The following ASIC2 variants were observed in gnomAD, a reference collection of about 807,000 sequenced individuals.
The protein encoded by ASIC2 is acid-sensing ion channel 2.
A neutral mutation model predicts 57.3 loss-of-function variants in ASIC2; 25 were observed. The ratio of observed to expected loss-of-function variants is 0.44; its 90% CI spans 0.32 to 0.61. The LOEUF (loss-of-function observed/expected upper bound fraction) is 0.61, where lower values mean the gene tolerates loss of function less well. Ranked by LOEUF, ASIC2 falls within the 20% of genes least tolerant of loss-of-function variation. The pLI, the probability that ASIC2 is intolerant of heterozygous loss-of-function variation, is 0.06. For missense variants in ASIC2, 641 were observed against 738.1 expected (o/e 0.87, Z 1.52); for synonymous variants, 319 against 307.5 (o/e 1.04, Z -0.39).
chr17:33,420,265 A>G (rs1911000262), intron 1 of ASIC2, among the ~76,000 whole-genome samples: 1 of 152,192 alleles, frequency 6.6e-6, no homozygotes, highest in Non-Finnish European at 1.5e-5. Flanking sequence ...GCTATGGTTC[A>G]TGCTTTCAGG....
intron 1 of ASIC2, among the ~76,000 whole-genome samples, chr17:33,429,154 G>A (rs1310899847): frequency 6.6e-6 from 1 of 152,064 alleles, no homozygotes; most frequent in East Asian, 1.9e-4. Flanking sequence ...GCATCTGTGG[G>A]GTACCAATGA....
intron 1 of ASIC2, among the ~76,000 whole-genome samples, chr17:34,020,231 G>A (rs1004513037): frequency 1.3e-5 from 2 of 152,040 alleles, no homozygotes; most frequent in African/African-American, 4.8e-5. Context: ...GTGGTCCCTG[G>A]GCCATAGTAG....
intron 1 of ASIC2, among the ~76,000 whole-genome samples, chr17:34,136,881 A>T (rs1912140544): frequency 6.6e-6 from 1 of 152,180 alleles, no homozygotes; most frequent in African/African-American, 2.4e-5. Context: ...CTGCTCATGC[A>T]GCATTGTCTC....
At chr17:33,547,337 T>C (rs963947298) in intron 1 of ASIC2, among the ~76,000 whole-genome samples, 1 of 152,188 alleles carries the variant, frequency 6.6e-6, no homozygotes, top group African/African-American at 2.4e-5. Context: ...AGTTTGAGAA[T>C]TTATAGATTT....
At chr17:33,796,939 T>C (rs1229091447) in intron 1 of ASIC2, among the ~76,000 whole-genome samples, 4 of 152,134 alleles carry the variant, frequency 2.6e-5, no homozygotes, top group Admixed American at 1.3e-4. Context: ...TTATTATACA[T>C]AGAGACTCAA....
At chr17:33,320,395 C>G (rs746635460) in intron 1 of ASIC2, among the ~76,000 whole-genome samples, 3 of 152,156 alleles carry the variant, frequency 2.0e-5, no homozygotes, top group Non-Finnish European at 4.4e-5. Context: ...TGGTGCCTCA[C>G]TCTTACGGAA....
chr17:33,020,139 G>A (rs2091829256), intron 7 of ASIC2, among the ~76,000 whole-genome samples: 1 of 152,144 alleles, frequency 6.6e-6, no homozygotes, highest in African/African-American at 2.4e-5. Context: ...CCTGGAGAAA[G>A]TGTAGAAATG....
At chr17:33,289,322 G>T (rs532524942) in intron 1 of ASIC2, among the ~76,000 whole-genome samples, 2 of 152,282 alleles carry the variant, frequency 1.3e-5, no homozygotes, top group South Asian at 4.2e-4. Context: ...CCTAACAATT[G>T]ACCCACACAA....
intron 3 of ASIC2, among the ~76,000 whole-genome samples, chr17:33,082,218 A>G (rs1024303132): frequency 6.6e-6 from 1 of 152,186 alleles, no homozygotes; most frequent in African/African-American, 2.4e-5. Context: ...TTTCCCGAAC[A>G]ATAACGTTGG....
At chr17:33,314,161 A>G (rs1906547289) in intron 1 of ASIC2, among the ~76,000 whole-genome samples, 1 of 152,168 alleles carries the variant, frequency 6.6e-6, no homozygotes, top group Non-Finnish European at 1.5e-5. Flanking sequence ...TGGGCCAAGC[A>G]TGGGACAACT....
Position 34,088,005 on chromosome 17 carries a change from G to A in ASIC2, c.555+67973C>T, listed in dbSNP as rs537405335. On this transcript the variant is annotated intron_variant, in intron 1 of 9. Coordinates refer to the ASIC2 transcript ENST00000359872. ...TTTGAATTTCCTCCTGTAGCTTGGA[G>A]TAGTTTGATCATCTGAAGCCTTCTT... Among the ~76,000 whole-genome samples the A allele has an allele frequency of 9.2e-3, 1,399 of 152,252 alleles. 19 individuals are homozygous for A. Among genetic ancestry groups the A allele is most frequent in the African/African-American group, 0.032 (1,327 of 41,544 alleles).
chr17:34,067,007 G>A (rs1049977875), intron 1 of ASIC2, among the ~76,000 whole-genome samples: 5 of 152,188 alleles, frequency 3.3e-5, no homozygotes, highest in African/African-American at 7.2e-5. Context: ...ACTGCAAGAC[G>A]GAACACTGCT....
chr17:34,016,213 A>G (rs1215920279), intron 1 of ASIC2, among the ~76,000 whole-genome samples: 2 of 152,108 alleles, frequency 1.3e-5, no homozygotes, highest in African/African-American at 2.4e-5. Flanking sequence ...TCACCAGGTC[A>G]GGAGATCAAG....
intron 1 of ASIC2, among the ~76,000 whole-genome samples, chr17:33,531,490 G>A (rs1915050421): frequency 6.6e-6 from 1 of 152,146 alleles, no homozygotes; most frequent in Non-Finnish European, 1.5e-5. Context: ...TGCCATCTGG[G>A]GGTTTAGGGC....
At chr17:33,794,953 T>A (rs1911873686) in intron 1 of ASIC2, among the ~76,000 whole-genome samples, 1 of 152,170 alleles carries the variant, frequency 6.6e-6, no homozygotes, top group South Asian at 2.1e-4. Flanking sequence ...AGACCCCTTA[T>A]CTGTAAGATA....
intron 1 of ASIC2, among the ~76,000 whole-genome samples, chr17:33,819,158 C>G (rs1005713157): frequency 2.6e-5 from 4 of 152,230 alleles, no homozygotes; most frequent in Non-Finnish European, 5.9e-5. Context: ...GTATGCCTCT[C>G]AGCTCCAGGA....
chr17:33,082,423 G>T (rs1440544283), intron 3 of ASIC2, among the ~76,000 whole-genome samples: 1 of 152,218 alleles, frequency 6.6e-6, no homozygotes, highest in Non-Finnish European at 1.5e-5. Context: ...GGAAGTCCAG[G>T]CATGGTGGCT....
At chr17:33,783,013 T>A (rs1373015589) in intron 1 of ASIC2, among the ~76,000 whole-genome samples, 2 of 152,176 alleles carry the variant, frequency 1.3e-5, no homozygotes, top group Non-Finnish European at 1.5e-5. Flanking sequence ...CCATGGCTGG[T>A]CCCTTCTTAT....
At chr17:34,113,824 A>G (rs1911350816) in intron 1 of ASIC2, among the ~76,000 whole-genome samples, 1 of 152,182 alleles carries the variant, frequency 6.6e-6, no homozygotes, top group African/African-American at 2.4e-5. Context: ...GCAGTGAGCT[A>G]TGATTGGGCC....
Sources: allele counts gnomAD v4.1 joint callset (sites outside exome capture counted in the v4.1 genomes callset), GRCh38; gene constraint gnomAD v4.1.1; transcripts MANE v1.5; gene names NCBI Gene and HGNC (gene_info 2026-07-23, HGNC 2026-07-21).